Variants in MPPED2 observed in about 807,000 individuals in gnomAD.
The protein encoded by MPPED2 is metallophosphoesterase MPPED2.
MPPED2 carries 5 observed loss-of-function variants against 33.0 expected under a neutral mutation model. The observed-to-expected ratio is 0.15, with a 90% CI of 0.08 to 0.32. The LOEUF is 0.32. Among genes scored for constraint, MPPED2 ranks in the 10% least tolerant of loss-of-function variants. MPPED2 has a pLI of 1.00. For synonymous variants in MPPED2, 136 were observed against 141.9 expected, an observed-to-expected ratio of 0.96 and a Z score of 0.29; for missense variants, 275 against 372.1, an observed-to-expected ratio of 0.74 and a Z score of 2.15.
chr11:30,509,455 G>T (rs939430420), intron 3 of MPPED2, among the ~76,000 whole-genome samples: 1 of 152,156 alleles, frequency 6.6e-6, no homozygotes. Context: ...CATTATTTGA[G>T]GAAGGTGCCT....
At chr11:30,549,539 C>T (rs899174991) in intron 2 of MPPED2, among the ~76,000 whole-genome samples, 2 of 152,174 alleles carry the variant, frequency 1.3e-5, no homozygotes, top group Non-Finnish European at 2.9e-5. Flanking sequence ...ACTGTAGAGA[C>T]TTGCAGGTCT....
intron 3 of MPPED2, among the ~76,000 whole-genome samples, chr11:30,506,720 T>C (rs1005906081): frequency 6.6e-6 from 1 of 152,208 alleles, no homozygotes; most frequent in Non-Finnish European, 1.5e-5. Flanking sequence ...TTAAAAGAAA[T>C]AACCATTTTA....
At chr11:30,567,288 C>T (rs978736022) in intron 2 of MPPED2, among the ~76,000 whole-genome samples, 7 of 152,208 alleles carry the variant, frequency 4.6e-5, no homozygotes, top group African/African-American at 1.7e-4. Context: ...AATCATTTTG[C>T]GATCAACAAT....
chr11:30,488,713 G>T (rs1239114618), intron 4 of MPPED2, among the ~76,000 whole-genome samples: 1 of 152,226 alleles, frequency 6.6e-6, no homozygotes, highest in Non-Finnish European at 1.5e-5. Flanking sequence ...AGGCAAAAAT[G>T]TAAACAGAGC....
intron 4 of MPPED2, among the ~76,000 whole-genome samples, chr11:30,449,313 C>T (rs1949948475): frequency 6.6e-6 from 1 of 152,152 alleles, no homozygotes; most frequent in East Asian, 1.9e-4. Context: ...AACTATGCCG[C>T]TTTGTCATAA....
In MPPED2 at chr11:30,543,489, G is replaced by A. The variant is rs571034471; in HGVS notation, c.129-7314C>T. 1.1e-4 allele frequency among the ~76,000 whole-genome samples: 16 copies of A among 152,272 alleles called. 1 individual carries two copies. In the East Asian group the frequency reaches 2.1e-3, roughly 20 times the overall value. Reference sequence around the variant, plus strand: ...CACAGTTTACACACCACTATTTACCGATGAAAGAGCAGAAACAATTCAGGT... The same window carrying A: ...CACAGTTTACACACCACTATTTACCAATGAAAGAGCAGAAACAATTCAGGT... On this transcript the variant is annotated intron_variant, in intron 2 of 6. Transcript: ENST00000358117.
intron 4 of MPPED2, among the ~76,000 whole-genome samples, chr11:30,468,037 A>G (rs1290043290): frequency 2.0e-5 from 3 of 152,152 alleles, no homozygotes; most frequent in African/African-American, 7.2e-5. Flanking sequence ...AAAAGATGCC[A>G]TGTATTACAA....
At chr11:30,481,994 C>T (rs182983797) in intron 4 of MPPED2, among the ~76,000 whole-genome samples, 64 of 152,148 alleles carry the variant, frequency 4.2e-4, no homozygotes, top group Middle Eastern at 3.4e-3. Flanking sequence ...CACACACACA[C>T]CCGGATCATA....
intron 2 of MPPED2, among the ~76,000 whole-genome samples, chr11:30,553,234 C>T (rs77208012): frequency 2.4e-3 from 369 of 152,206 alleles, no homozygotes; most frequent in Non-Finnish European, 3.4e-3. Context: ...TAACAGACCA[C>T]GTTCATTATA....
At chr11:30,453,067 A>C (rs1362591092) in intron 4 of MPPED2, among the ~76,000 whole-genome samples, 2 of 152,200 alleles carry the variant, frequency 1.3e-5, no homozygotes, top group African/African-American at 4.8e-5. Flanking sequence ...AGGCAAACAC[A>C]ACCCTTGAAC....
At chr11:30,485,394 A>C (rs1951674936) in intron 4 of MPPED2, among the ~76,000 whole-genome samples, 1 of 63,236 alleles carries the variant, frequency 1.6e-5, no homozygotes, top group South Asian at 5.4e-4. Flanking sequence ...AAACTGGTTC[A>C]GAGAGATTGC....
chr11:30,555,411 G>C (rs117232803), intron 2 of MPPED2, among the ~76,000 whole-genome samples: 22 of 152,126 alleles, frequency 1.4e-4, no homozygotes, highest in Non-Finnish European at 2.8e-4. Flanking sequence ...GAGTACTTCA[G>C]GCTACTGTTC....
At chr11:30,389,415 C>G (rs1947743500) in intron 6 of MPPED2, among the ~76,000 whole-genome samples, 1 of 152,210 alleles carries the variant, frequency 6.6e-6, no homozygotes, top group Non-Finnish European at 1.5e-5. Flanking sequence ...TGTCTATTCA[C>G]TGAGGGTTAA....
intron 4 of MPPED2, among the ~76,000 whole-genome samples, chr11:30,449,183 A>AGAATGAATGAATGAAT (rs61562180): frequency 1.3e-5 from 2 of 151,198 alleles, no homozygotes; most frequent in African/African-American, 4.9e-5. Context: ...AAATGTTAAG[A>AGAATGAATGAATGAAT]GAATGAATGA....
chr11:30,412,581 T>C (rs527955722), intron 6 of MPPED2, among the ~76,000 whole-genome samples: 191 of 152,290 alleles, frequency 1.3e-3, no homozygotes, highest in Admixed American at 2.0e-3. Context: ...GAGAACTTAA[T>C]GAGGGTCAAT....
chr11:30,559,876 C>T (rs181465268), intron 2 of MPPED2, among the ~76,000 whole-genome samples: 11 of 152,074 alleles, frequency 7.2e-5, no homozygotes, highest in Admixed American at 6.6e-4. Flanking sequence ...AAATAGTCTT[C>T]ACATTATGCC....
At chr11:30,473,712 A>G (rs184439658) in intron 4 of MPPED2, among the ~76,000 whole-genome samples, 4 of 152,228 alleles carry the variant, frequency 2.6e-5, no homozygotes, top group Admixed American at 2.0e-4. Context: ...CCTGCTTTCC[A>G]TCTTCCTGCA....
At chr11:30,391,512 C>T (rs562548111) in intron 6 of MPPED2, among the ~76,000 whole-genome samples, 1 of 152,080 alleles carries the variant, frequency 6.6e-6, no homozygotes, top group Admixed American at 6.6e-5. Flanking sequence ...CCTGGCTCTA[C>T]CACATATTGC....
chr11:30,541,955 T>C (rs146145564), intron 2 of MPPED2, among the ~76,000 whole-genome samples: 192 of 152,316 alleles, frequency 1.3e-3, no homozygotes, highest in South Asian at 3.7e-3. Context: ...ACCCAGAAAA[T>C]TTAGATAGCA....
Sources: gnomAD v4.1 joint callset for allele counts (sites outside exome capture counted in the v4.1 genomes callset) on GRCh38, gnomAD v4.1.1 for gene constraint, MANE v1.5 for transcripts, NCBI Gene and HGNC (gene_info 2026-07-23, HGNC 2026-07-21) for gene names.